DDRGK1: variants seen among roughly 807,000 people sequenced by gnomAD.
DDRGK1 encodes the protein DDRGK domain-containing protein 1.
DDRGK1 carries 38 observed loss-of-function variants against 45.8 expected under a neutral mutation model. That is an observed-to-expected ratio of 0.83 (90% confidence interval 0.64 to 1.09). The LOEUF is 1.09. Among genes scored for constraint, DDRGK1 ranks in the 50% least tolerant of loss-of-function variants. DDRGK1 has a pLI of 0.00. For synonymous variants in DDRGK1, 171 were observed against 168.7 expected (o/e 1.01, Z -0.11); for missense variants, 403 against 419.9 (o/e 0.96, Z 0.35).
At chr20:3,195,585 C>T (rs374080763) in intron 4 of DDRGK1, among the ~76,000 whole-genome samples, 9 of 152,080 alleles carry the variant, frequency 5.9e-5, no homozygotes, top group Non-Finnish European at 8.8e-5. Context: ...CCCCTTCTCC[C>T]GCCCTCCGTG....
In DDRGK1 at chr20:3,203,235, G is replaced by C. The variant is rs61735512; in HGVS notation, c.273C>G (p.Asn91Lys). The C allele has an allele frequency of 1.3e-6, 2 of 1,596,016 alleles. No individual in the cohort carries two copies. The highest frequency in any genetic ancestry group is 1.3e-5 in the African/African-American group (1 of 74,208). The change falls in exon 2 of 9, where the codon AAC (asparagine) becomes AAG (lysine). Residue 91 changes from asparagine to lysine, a missense_variant. Asn to Lys is a moderately conservative substitution (Grantham distance 94). Transcript: ENST00000354488. ...QRVAWAEADENEEEAVILAQE... is the reference protein window; with the variant it reads ...QRVAWAEADEKEEEAVILAQE... ...CACCTAGGATGACAGCTTCCTCCTC[G>C]TTCTCATCTGCTTCTGCCCAGGCCA...
At chr20:3,199,377 C>T (rs1309971952) in intron 4 of DDRGK1, among the ~76,000 whole-genome samples, 1 of 152,176 alleles carries the variant, frequency 6.6e-6, no homozygotes, top group Non-Finnish European at 1.5e-5. Flanking sequence ...TGTATTCTGG[C>T]TTATCAGCCA....
At chr20:3,193,458 C>T (rs1193907266) in intron 6 of DDRGK1, among the ~76,000 whole-genome samples, 9 of 152,114 alleles carry the variant, frequency 5.9e-5, no homozygotes, top group Non-Finnish European at 1.2e-4. Context: ...GCAACCTCCA[C>T]CTCCTGGGTT....
At chr20:3,193,807 A>T (rs1276373958) in intron 6 of DDRGK1, among the ~76,000 whole-genome samples, 1 of 152,188 alleles carries the variant, frequency 6.6e-6, no homozygotes, top group Non-Finnish European at 1.5e-5. Context: ...GGGATGTTGA[A>T]GCTGACCCCC....
In DDRGK1 at chr20:3,190,585, GGGGAGGGA is replaced by G; in HGVS notation, c.*60_*67del. ...CACACCATCACTTCCCCAGGATGGT[GGGGAGGGA>G]TGAAGATGTATAGCCAGGTAGGCCA... On this transcript the variant is annotated 3_prime_UTR_variant, in exon 9 of 9. Transcript: ENST00000354488. The G allele has an allele frequency of 1.3e-6, 2 of 1,568,798 alleles. No individual in the cohort carries two copies. Among genetic ancestry groups the G allele is most frequent in the South Asian group, 2.3e-5 (2 of 87,852 alleles).
chr20:3,191,559 G>A, intron 7 of DDRGK1: 2 of 766,122 alleles, frequency 2.6e-6, no homozygotes, highest in South Asian at 1.5e-5. Flanking sequence ...AGAGTGATGG[G>A]GTTTGGGTTT....
chr20:3,197,503 T>C (rs2067016566), intron 4 of DDRGK1, among the ~76,000 whole-genome samples: 2 of 152,298 alleles, frequency 1.3e-5, no homozygotes, highest in African/African-American at 4.8e-5. Context: ...GCATATTTGG[T>C]ATGTTGCATT....
chr20:3,191,892 A>G (rs933902678), intron 6 of DDRGK1, 71 bp from the exon 7 acceptor site: 2 of 1,490,598 alleles, frequency 1.3e-6, no homozygotes, highest in Non-Finnish European at 1.8e-6. Flanking sequence ...GGCACCCTCC[A>G]GGTTTGCATT....
intron 6 of DDRGK1, among the ~76,000 whole-genome samples, chr20:3,192,228 C>T (rs1001484213): frequency 2.6e-5 from 4 of 152,086 alleles, no homozygotes; most frequent in African/African-American, 7.2e-5. Context: ...AGGAAGGAGG[C>T]GGTGAGAGTC....
At chr20:3,201,652 GTT>G (rs1255300852) in intron 2 of DDRGK1, among the ~76,000 whole-genome samples, 36 of 149,878 alleles carry the variant, frequency 2.4e-4, no homozygotes, top group Non-Finnish European at 1.2e-4. Flanking sequence ...AGAGAGGGTT[GTT>G]TTTTTTGGTT....
intron 4 of DDRGK1, among the ~76,000 whole-genome samples, chr20:3,197,178 G>A (rs1412495916): frequency 7.1e-6 from 1 of 141,280 alleles, no homozygotes; most frequent in Non-Finnish European, 1.5e-5. Context: ...AGCCCAGATT[G>A]CGCCACTGGA....
At chr20:3,203,521 T>G (rs970916261) in intron 1 of DDRGK1, 105 bp from the exon 2 acceptor site, 2 of 1,385,990 alleles carry the variant, frequency 1.4e-6, no homozygotes, top group African/African-American at 3.0e-5. Context: ...AGCGGCCTGC[T>G]GCCCACAGCA....
At chr20:3,191,269 T>C (rs748073184) in intron 7 of DDRGK1, 31 bp from the exon 8 acceptor site, 8 of 1,611,852 alleles carry the variant, frequency 5.0e-6, no homozygotes, top group Non-Finnish European at 5.9e-6. Context: ...AGAATAGAGA[T>C]AGGCACCAAT....
chr20:3,194,789 G>A (rs2067002860), intron 6 of DDRGK1, 41 bp downstream of exon 6: 2 of 1,613,514 alleles, frequency 1.2e-6, no homozygotes, highest in African/African-American at 1.3e-5. Flanking sequence ...CACATGCCAG[G>A]CAGGGAGCTG....
chr20:3,192,766 C>T (rs576187427), intron 6 of DDRGK1, among the ~76,000 whole-genome samples: 1 of 152,292 alleles, frequency 6.6e-6, no homozygotes, highest in East Asian at 1.9e-4. Flanking sequence ...AGTTCTTTTG[C>T]ATTTCTGTGA....
chr20:3,193,125 G>A (rs958035818), intron 6 of DDRGK1, among the ~76,000 whole-genome samples: 7 of 152,206 alleles, frequency 4.6e-5, no homozygotes, highest in Non-Finnish European at 7.4e-5. Context: ...TCAGGAGGCA[G>A]AGGCAGGAAG....
intron 7 of DDRGK1, 141 bp from the exon 8 acceptor site, chr20:3,191,379 GA>G: frequency 1.1e-6 from 1 of 945,032 alleles, no homozygotes. Context: ...TTTGCCTTTG[GA>G]AGGGCCCTGG....
At chr20:3,195,165 C>A in intron 5 of DDRGK1, 66 bp downstream of exon 5, 2 of 1,609,694 alleles carry the variant, frequency 1.2e-6, no homozygotes, top group South Asian at 1.1e-5. Flanking sequence ...GGGTGGCTAG[C>A]CTTGCGTCTG....
chr20:3,200,494 G>A, intron 2 of DDRGK1, 40 bp from the exon 3 acceptor site: 1 of 1,531,728 alleles, frequency 6.5e-7, no homozygotes, highest in South Asian at 1.2e-5. Flanking sequence ...GTTCTGACCA[G>A]AGAGGACTGA....
Sources: gnomAD v4.1 joint callset for allele counts (sites outside exome capture counted in the v4.1 genomes callset) on GRCh38, gnomAD v4.1.1 for gene constraint, MANE v1.5 for transcripts, NCBI Gene and HGNC (gene_info 2026-07-23, HGNC 2026-07-21) for gene names.